The following LECT2 variants were observed in gnomAD, a reference collection of about 807,000 sequenced individuals.
The protein encoded by LECT2 is leukocyte cell-derived chemotaxin-2.
LECT2 carries 11 observed loss-of-function variants against 16.6 expected under a neutral mutation model. That is an observed-to-expected ratio of 0.66 (90% CI 0.42 to 1.09). The LOEUF (loss-of-function observed/expected upper bound fraction) is 1.09, where lower values mean the gene tolerates loss of function less well. LECT2 is among the 50% of genes least tolerant of loss of function. LECT2 has a pLI of 0.00. For synonymous variants in LECT2, 54 were observed against 64.8 expected, an observed-to-expected ratio of 0.83 and a Z score of 0.80; for missense variants, 173 against 184.2, an observed-to-expected ratio of 0.94 and a Z score of 0.35.
intron 3 of LECT2, among the ~76,000 whole-genome samples, chr5:135,950,271 T>C (rs1230404812): frequency 1.3e-5 from 2 of 152,226 alleles, no homozygotes; most frequent in Non-Finnish European, 2.9e-5. Context: ...TGGAATATCA[T>C]GCATCAGAAA....
intron 3 of LECT2, among the ~76,000 whole-genome samples, chr5:135,948,996 T>C (rs1231620442): frequency 6.6e-6 from 1 of 152,180 alleles, no homozygotes; most frequent in Non-Finnish European, 1.5e-5. Flanking sequence ...ATTATATATA[T>C]GACTTCTGTT....
At chr5:135,950,065 C>T (rs568546837) in intron 3 of LECT2, among the ~76,000 whole-genome samples, 2 of 152,286 alleles carry the variant, frequency 1.3e-5, no homozygotes, top group Non-Finnish European at 2.9e-5. Flanking sequence ...GATGTGGGTT[C>T]GCTCAAAAGA....
rs1452952600 is a variant in LECT2 at position 135,947,403 on chromosome 5, T to G, written c.384A>C (p.Lys128Asn). 1.9e-6 allele frequency: 3 copies of G among 1,614,124 alleles called. No homozygotes were observed. In the Admixed American group the frequency reaches 5.0e-5, roughly 27 times the overall value. ...CATGCGATTGTATGCCAGGATAAAC[T>G]TTCTGCAAGGGCAATAGAGTTCCAA... ...EKLGTLLPLQ[K>N]VYPGIQSHVH... Residue 128 changes from lysine to asparagine, a missense_variant, in exon 4 of 4, where the codon AAA (lysine) becomes AAC (asparagine). Physicochemically the swap from Lys to Asn is moderately conservative, Grantham distance 94. Coordinates refer to ENST00000274507, the MANE Select transcript of LECT2 (RefSeq NM_002302.3).
At chr5:135,953,081 C>A in intron 1 of LECT2, 114 bp from the exon 2 acceptor site, 1 of 674,670 alleles carries the variant, frequency 1.5e-6, no homozygotes, top group East Asian at 2.6e-5. Context: ...GTAGTTTTCC[C>A]TGGACTTTAT....
chr5:135,949,849 G>A (rs946676704), intron 3 of LECT2, among the ~76,000 whole-genome samples: 1 of 152,156 alleles, frequency 6.6e-6, no homozygotes, highest in Non-Finnish European at 1.5e-5. Context: ...GCTTTAGTTG[G>A]CTGCTCATCT....
chr5:135,953,168 G>A (rs1763819202), intron 1 of LECT2: 1 of 541,356 alleles, frequency 1.8e-6, no homozygotes. Flanking sequence ...CCTGGCCACA[G>A]AATTCTGCTT....
At chr5:135,952,154 G>T (rs1353038171) in intron 2 of LECT2, among the ~76,000 whole-genome samples, 1 of 152,224 alleles carries the variant, frequency 6.6e-6, no homozygotes, top group Non-Finnish European at 1.5e-5. Flanking sequence ...CAATTCAAGG[G>T]ACGTTTCCCA....
chr5:135,947,724 A>G (rs1039229810), intron 3 of LECT2, among the ~76,000 whole-genome samples: 1 of 152,200 alleles, frequency 6.6e-6, no homozygotes, highest in African/African-American at 2.4e-5. Context: ...GAATAATAGC[A>G]GGAAAATACT....
chr5:135,948,315 A>G (rs934645185), intron 3 of LECT2, among the ~76,000 whole-genome samples: 1 of 152,234 alleles, frequency 6.6e-6, no homozygotes, highest in Non-Finnish European at 1.5e-5. Context: ...AGATGCCAGG[A>G]AACATAGATA....
At position 135,954,933 on chromosome 5, in the gene LECT2, C is replaced by T; in HGVS notation, c.-100G>A. The T allele has an allele frequency of 1.2e-6, 1 of 869,026 alleles. No individual in the cohort carries two copies. Among genetic ancestry groups the T allele is most frequent in the Non-Finnish European group, 1.9e-6 (1 of 529,886 alleles). 53.8% of individuals were successfully genotyped at this position (869,026 alleles called of 1,614,324 possible). A position where few individuals can be genotyped will look rare whatever the true frequency, so the allele number is the denominator to read the frequency against. On this transcript the variant is annotated 5_prime_UTR_variant, in exon 1 of 4. Transcript: ENST00000274507. ...GAATGAATACTTCCTAGCTATTTAG[C>T]CTTAGAATTCTGCATCTCTCATTTC... is the stretch of plus-strand genomic sequence containing the variant.
chr5:135,948,598 T>A (rs947730536), intron 3 of LECT2, among the ~76,000 whole-genome samples: 1 of 151,322 alleles, frequency 6.6e-6, no homozygotes, highest in Admixed American at 6.6e-5. Flanking sequence ...AATATTGAGT[T>A]AAATAAAATA....
chr5:135,948,547 C>A (rs1763734627), intron 3 of LECT2, among the ~76,000 whole-genome samples: 1 of 151,646 alleles, frequency 6.6e-6, no homozygotes, highest in African/African-American at 2.4e-5. Flanking sequence ...TGTAAAATAT[C>A]TCAATAATTT....
At position 135,947,517 on chromosome 5, in the gene LECT2, ATTAT is replaced by A. The variant is rs1763722246; in HGVS notation, c.290-24_290-21del. 2 of 1,562,184 alleles carry A rather than the reference ATTAT, an allele frequency of 1.3e-6. No homozygotes were observed. The highest frequency in any genetic ancestry group is 2.7e-5 in the African/African-American group (2 of 73,266). On this transcript the variant is annotated intron_variant, in intron 3 of 3. Coordinates refer to ENST00000274507, the MANE Select transcript of LECT2 (RefSeq NM_002302.3). ...AAAAACCTAAAAGAAAATAAGTATAATTATTTATCTGGGCTTCAGTAATCTTGAA... is the reference window on the plus strand; with the variant it reads ...AAAAACCTAAAAGAAAATAAGTATAATTATCTGGGCTTCAGTAATCTTGAA...
At chr5:135,953,290 C>T (rs945006631) in intron 1 of LECT2, among the ~76,000 whole-genome samples, 2 of 152,072 alleles carry the variant, frequency 1.3e-5, no homozygotes, top group Admixed American at 6.5e-5. Flanking sequence ...CAACCTCCAT[C>T]TCCTGGGTTC....
At chr5:135,948,232 A>G (rs1763730125) in intron 3 of LECT2, among the ~76,000 whole-genome samples, 1 of 152,216 alleles carries the variant, frequency 6.6e-6, no homozygotes, top group Admixed American at 6.5e-5. Context: ...ACAAGTCACA[A>G]TGAAGATATA....
intron 3 of LECT2, among the ~76,000 whole-genome samples, chr5:135,950,326 T>C (rs1158574908): frequency 1.3e-5 from 2 of 152,198 alleles, no homozygotes; most frequent in South Asian, 4.1e-4. Flanking sequence ...CGATGTGGAA[T>C]GAAAGAAGAC....
At chr5:135,948,502 T>C (rs1191668704) in intron 3 of LECT2, among the ~76,000 whole-genome samples, 2 of 152,092 alleles carry the variant, frequency 1.3e-5, no homozygotes, top group Admixed American at 6.5e-5. Flanking sequence ...AATGGTAAAA[T>C]ACACAGTGGA....
At chr5:135,949,806 C>G (rs1763765037) in intron 3 of LECT2, among the ~76,000 whole-genome samples, 1 of 152,180 alleles carries the variant, frequency 6.6e-6, no homozygotes, top group South Asian at 2.1e-4. Context: ...TTCATCAGAC[C>G]TGGAGCATTT....
intron 1 of LECT2, among the ~76,000 whole-genome samples, chr5:135,954,023 TG>T (rs1179966817): frequency 6.6e-6 from 1 of 152,264 alleles, no homozygotes; most frequent in Non-Finnish European, 1.5e-5. Context: ...TGGAATTAAA[TG>T]TCCTGGATTT....
Sources: gnomAD v4.1 joint callset for allele counts (sites outside exome capture counted in the v4.1 genomes callset) on GRCh38, gnomAD v4.1.1 for gene constraint, MANE v1.5 for transcripts, NCBI Gene and HGNC (gene_info 2026-07-23, HGNC 2026-07-21) for gene names.